Variants in PUS7L observed in about 807,000 individuals in gnomAD.
PUS7L encodes the protein pseudouridylate synthase PUS7L.
In PUS7L, 49 loss-of-function variants were observed where a neutral mutation model predicts 51.1. That is an observed-to-expected ratio of 0.96 (90% confidence interval 0.76 to 1.22). PUS7L has a LOEUF of 1.22. Among genes scored for constraint, PUS7L ranks in the 50% most tolerant of loss-of-function variants. The pLI is 0.00. For missense variants in PUS7L, 828 were observed against 820.6 expected, an observed-to-expected ratio of 1.01 and a Z score of -0.11; for synonymous variants, 277 against 276.2, an observed-to-expected ratio of 1.00 and a Z score of -0.03.
At chr12:43,731,621 G>A in intron 8 of PUS7L, 84 bp downstream of exon 8, 1 of 654,666 alleles carries the variant, frequency 1.5e-6, no homozygotes, top group South Asian at 1.9e-5. Context: ...ATAAAAAAGA[G>A]GAGGGGAACT....
intron 6 of PUS7L, 50 bp downstream of exon 6, chr12:43,738,258 AGT>A: frequency 1.1e-6 from 1 of 896,462 alleles, no homozygotes; most frequent in Non-Finnish European, 1.9e-6. Flanking sequence ...AAACATTTAT[AGT>A]GTGTATCTGT....
In PUS7L at chr12:43,722,943, G is replaced by C. The variant is rs554106354; in HGVS notation, c.*7433C>G. On this transcript the variant is annotated 3_prime_UTR_variant, in exon 9 of 9. Coordinates refer to ENST00000344862, the MANE Select transcript of PUS7L (RefSeq NM_031292.5). ...AACACCCTTAGTTAAGGAGTGACCA[G>C]CTCTTTGATCTCTTCTCTTTTAAAA... 3 of 152,192 alleles carry C rather than the reference G, an allele frequency of 2.0e-5. No individual in the cohort carries two copies. In the South Asian group the frequency reaches 6.2e-4, roughly 32 times the overall value. 9.4% of individuals were successfully genotyped at this position (152,192 alleles called of 1,614,324 possible).
chr12:43,745,118 T>C (rs1938100931), intron 4 of PUS7L, among the ~76,000 whole-genome samples: 1 of 121,590 alleles, frequency 8.2e-6, no homozygotes, highest in Admixed American at 8.0e-5. Context: ...AGGAACCATA[T>C]GTCTAAAAGG....
At chr12:43,750,864 A>G (rs1938407749) in intron 2 of PUS7L, among the ~76,000 whole-genome samples, 1 of 152,202 alleles carries the variant, frequency 6.6e-6, no homozygotes, top group African/African-American at 2.4e-5. Context: ...GGAATTCAGG[A>G]AGGCTGAGTG....
intron 1 of PUS7L, among the ~76,000 whole-genome samples, 168 bp from the exon 2 acceptor site, chr12:43,755,429 T>C (rs1156490791): frequency 6.6e-6 from 1 of 152,230 alleles, no homozygotes; most frequent in African/African-American, 2.4e-5. Context: ...CCTGTGTACT[T>C]TGACTCTCCT....
intron 3 of PUS7L, among the ~76,000 whole-genome samples, 191 bp downstream of exon 3, chr12:43,748,259 T>G (rs1289501619): frequency 6.6e-6 from 1 of 152,182 alleles, no homozygotes; most frequent in African/African-American, 2.4e-5. Context: ...TCACGAGGAT[T>G]TTTTTTAAAT....
intron 2 of PUS7L, among the ~76,000 whole-genome samples, chr12:43,750,033 C>T (rs1938367372): frequency 6.6e-6 from 1 of 152,134 alleles, no homozygotes; most frequent in Non-Finnish European, 1.5e-5. Flanking sequence ...CATGTACCCC[C>T]TGAAACTAAC....
intron 5 of PUS7L, 72 bp downstream of exon 5, chr12:43,742,385 A>G: frequency 9.7e-7 from 1 of 1,032,978 alleles, no homozygotes. Context: ...GAGTTAAGAA[A>G]GCAAGGAGCT....
chr12:43,742,527 G>T lies in PUS7L; in HGVS notation c.1292C>A (p.Pro431Gln). The T allele has an allele frequency of 6.2e-7, 1 of 1,604,946 alleles. No individual in the cohort carries two copies. Residue 431 changes from proline (P) to glutamine (Q), a missense_variant, in exon 5 of 9, where the codon CCA becomes CAA. Physicochemically the swap from Pro to Gln is moderately conservative, Grantham distance 76 (BLOSUM62 -1). Transcript: ENST00000344862. ...KKKGFVNYYGPQRFGKGRKVH... is the reference protein window; with the variant it reads ...KKKGFVNYYGQQRFGKGRKVH... ...TTTCCTTCCCTTCCCAAATCTCTGTGGTCCATAGTAATTCACAAAGCCTTT... is the reference window on the plus strand; with the variant it reads ...TTTCCTTCCCTTCCCAAATCTCTGTTGTCCATAGTAATTCACAAAGCCTTT...
In PUS7L at chr12:43,729,443, T is replaced by C; in HGVS notation, c.*933A>G. Reference sequence around the variant, plus strand: ...TACATGTCTACATGCCAGTCATTCCTCCCCAACACACCCATATTTAACTGA... The same window carrying C: ...TACATGTCTACATGCCAGTCATTCCCCCCCAACACACCCATATTTAACTGA... On this transcript the variant is annotated 3_prime_UTR_variant, in exon 9 of 9. Transcript: ENST00000344862. 1 of 368,194 alleles carries C rather than the reference T, an allele frequency of 2.7e-6. No individual in the cohort carries two copies. Among genetic ancestry groups the C allele is most frequent in the Non-Finnish European group, 4.8e-6 (1 of 206,222 alleles). The allele number at this position is 368,194 out of a possible 1,614,324, so 22.8% of individuals were successfully genotyped here.
rs754110619 is a variant in PUS7L at position 43,738,391 on chromosome 12, T to C, written c.1363A>G (p.Met455Val). ...IGLALLKNEM[M>V]KAIKLFLTPE... The stretch of plus-strand genomic sequence containing the variant: ...GTAAGAAACAATTTTATGGCTTTCA[T>C]CTTAAAAAATCAAGCAGGTAAACAT... Residue 455 changes from methionine (M) to valine (V), a missense_variant and splice_region_variant, in exon 6 of 9, where the codon ATG becomes GTG. Physicochemically the swap from Met to Val is conservative, Grantham distance 21 (BLOSUM62 1). Coordinates refer to ENST00000344862, the MANE Select transcript of PUS7L (RefSeq NM_031292.5). 3.3e-6 allele frequency: 5 copies of C among 1,533,232 alleles called. No individual in the cohort carries two copies. Among genetic ancestry groups the C allele is most frequent in the Non-Finnish European group, 4.5e-6 (5 of 1,109,970 alleles). 95.0% of individuals were successfully genotyped at this position (1,533,232 alleles called of 1,614,324 possible).
chr12:43,723,982 A>G lies in PUS7L; in HGVS notation c.*6394T>C, dbSNP rs1944425750. The G allele has an allele frequency of 1.3e-5, 2 of 152,162 alleles. No individual in the cohort carries two copies. Among genetic ancestry groups the G allele is most frequent in the Middle Eastern group, 3.4e-3 (1 of 294 alleles). The allele number at this position is 152,162 out of a possible 1,614,324, so 9.4% of individuals were successfully genotyped here. On this transcript the variant is annotated 3_prime_UTR_variant, in exon 9 of 9. Transcript: ENST00000344862. ...AATTTCCCTCTTTGATCTTTATGCA[A>G]TCTTCAGTGTTTTTAACCGCAAAAT... is the stretch of plus-strand genomic sequence containing the variant.
In PUS7L at chr12:43,733,847, CT is replaced by C. The variant is rs1275446963; in HGVS notation, c.1726-2090del. Among the ~76,000 whole-genome samples the C allele has an allele frequency of 8.5e-5, 13 of 152,270 alleles. No individual in the cohort carries two copies. In the East Asian group the frequency reaches 2.5e-3, roughly 29 times the overall value. ...CTTTTCACACAGTTTGAGTCTGTAT[CT>C]CAATTAAATTACCATTCTTAGTAAC... On this transcript the variant is annotated intron_variant, in intron 7 of 8. Coordinates refer to ENST00000344862, the MANE Select transcript of PUS7L (RefSeq NM_031292.5).
At chr12:43,756,072 G>A (rs1436369463) in intron 1 of PUS7L, among the ~76,000 whole-genome samples, 1 of 152,150 alleles carries the variant, frequency 6.6e-6, no homozygotes, top group African/African-American at 2.4e-5. Flanking sequence ...CATTCTCCAA[G>A]TAACTTATCA....
chr12:43,733,608 G>A (rs781632579), intron 7 of PUS7L, among the ~76,000 whole-genome samples: 1 of 152,130 alleles, frequency 6.6e-6, no homozygotes, highest in African/African-American at 2.4e-5. Flanking sequence ...TTCAAAAATT[G>A]TTGTATCTTG....
intron 1 of PUS7L, among the ~76,000 whole-genome samples, chr12:43,757,304 G>A (rs772938531): frequency 1.3e-5 from 2 of 152,122 alleles, no homozygotes; most frequent in Non-Finnish European, 2.9e-5. Context: ...CCGAGTAGCT[G>A]GGACCACAGG....
intron 7 of PUS7L, 22 bp downstream of exon 7, chr12:43,736,359 A>C (rs529300462): frequency 6.2e-7 from 1 of 1,603,892 alleles, no homozygotes; most frequent in African/African-American, 1.3e-5. Context: ...CTCTTGGAAA[A>C]CTCTGATGGA....
rs368849643 is a variant in PUS7L, at chr12:43,750,903, T to C, written c.911-2294A>G. On this transcript the variant is annotated intron_variant, in intron 2 of 8. Coordinates refer to ENST00000344862, the MANE Select transcript of PUS7L (RefSeq NM_031292.5). The stretch of plus-strand genomic sequence containing the variant: ...TGGAATTCACAGGGAGAGTACCTGA[T>C]AAGACAAAGCTTTGTAGAGAAGAAG... Among the ~76,000 whole-genome samples, 84 of 152,302 alleles carry C rather than the reference T, an allele frequency of 5.5e-4. No individual in the cohort carries two copies. In the South Asian group the frequency reaches 0.015, roughly 28 times the overall value.
chr12:43,744,503 C>A (rs189422855), intron 4 of PUS7L, among the ~76,000 whole-genome samples: 1 of 152,196 alleles, frequency 6.6e-6, no homozygotes, highest in Non-Finnish European at 1.5e-5. Context: ...TTTCCTGAGG[C>A]CTCCCCACCT....
Sources: allele counts gnomAD v4.1 joint callset (sites outside exome capture counted in the v4.1 genomes callset), GRCh38; gene constraint gnomAD v4.1.1; transcripts MANE v1.5; gene names NCBI Gene and HGNC (gene_info 2026-07-23, HGNC 2026-07-21).